The following CNTN5 variants were observed in gnomAD, a reference collection of about 807,000 sequenced individuals.
The protein encoded by CNTN5 is contactin-5.
In CNTN5, 77 loss-of-function variants were observed where a neutral mutation model predicts 129.1. That is an observed-to-expected ratio of 0.60 (90% CI 0.50 to 0.72). CNTN5 has a LOEUF of 0.72. CNTN5 is among the 30% of genes least tolerant of loss of function. CNTN5 has a pLI of 0.00. For missense variants in CNTN5, 1,478 were observed against 1,328.8 expected (o/e 1.11, Z -1.75); for synonymous variants, 509 against 465.6 (o/e 1.09, Z -1.20).
chr11:100,343,871 C>T (rs944358198), intron 23 of CNTN5, among the ~76,000 whole-genome samples: 10 of 152,078 alleles, frequency 6.6e-5, no homozygotes, highest in African/African-American at 2.4e-4. Flanking sequence ...GCCACCTCTT[C>T]TTAAGCACAA....
At chr11:99,159,303 G>A (rs571135187) in intron 1 of CNTN5, among the ~76,000 whole-genome samples, 1 of 152,254 alleles carries the variant, frequency 6.6e-6, no homozygotes, top group East Asian at 1.9e-4. Context: ...AAAAGGGGCA[G>A]GCAACATATC....
rs150195095 is a variant in CNTN5 at position 99,828,654 on chromosome 11, A to C, written c.277+8889A>C. Among the ~76,000 whole-genome samples, 297 of 152,336 alleles carry C rather than the reference A, an allele frequency of 1.9e-3. 1 individual carries two copies. Among genetic ancestry groups the C allele is most frequent in the African/African-American group, 6.8e-3 (283 of 41,584 alleles). On this transcript the variant is annotated intron_variant, in intron 4 of 24. Transcript: ENST00000524871. ...AATGAATATGAAATAGTTTTTGTTTACACATGCATAATCATGGAAGCTTTT... is the reference window on the plus strand; with the variant it reads ...AATGAATATGAAATAGTTTTTGTTTCCACATGCATAATCATGGAAGCTTTT...
At chr11:99,895,257 T>C (rs1275999459) in intron 6 of CNTN5, among the ~76,000 whole-genome samples, 2 of 152,202 alleles carry the variant, frequency 1.3e-5, no homozygotes, top group Non-Finnish European at 2.9e-5. Context: ...CCTGGGAATT[T>C]GAAAAGGGCT....
intron 8 of CNTN5, among the ~76,000 whole-genome samples, chr11:99,997,725 T>C (rs1005685966): frequency 6.6e-6 from 1 of 151,966 alleles, no homozygotes; most frequent in African/African-American, 2.4e-5. Flanking sequence ...TAGACCAATA[T>C]CCTTGATGAA....
chr11:99,021,515 C>T (rs1862868363), intron 1 of CNTN5, among the ~76,000 whole-genome samples: 1 of 152,094 alleles, frequency 6.6e-6, no homozygotes, highest in South Asian at 2.1e-4. Context: ...TTGTATATCT[C>T]CTAATGCCAC....
At chr11:100,046,472 TTTTC>T (rs1332208074) in intron 9 of CNTN5, among the ~76,000 whole-genome samples, 1 of 152,168 alleles carries the variant, frequency 6.6e-6, no homozygotes, top group African/African-American at 2.4e-5. Flanking sequence ...CATTCTTTAT[TTTTC>T]TTCTTTTTTT....
intron 3 of CNTN5, among the ~76,000 whole-genome samples, chr11:99,704,652 A>G (rs1954674941): frequency 1.3e-5 from 2 of 151,272 alleles, no homozygotes; most frequent in African/African-American, 4.8e-5. Context: ...CGTACCTACT[A>G]CATTTAAAAT....
intron 4 of CNTN5, among the ~76,000 whole-genome samples, chr11:99,825,921 T>C (rs10893945): frequency 0.15 from 23,313 of 152,154 alleles, 1,926 homozygotes; most frequent in Non-Finnish European, 0.17. Context: ...TGTTATAATT[T>C]CAGAGAAAAT....
chr11:100,007,227 T>C (rs1940251517), intron 9 of CNTN5, among the ~76,000 whole-genome samples: 2 of 152,062 alleles, frequency 1.3e-5, no homozygotes, highest in African/African-American at 4.8e-5. Context: ...TTAAGGGCCC[T>C]ATGATTTTCA....
intron 3 of CNTN5, among the ~76,000 whole-genome samples, chr11:99,781,788 A>G (rs947121982): frequency 1.3e-5 from 2 of 152,094 alleles, no homozygotes; most frequent in Middle Eastern, 3.2e-3. Flanking sequence ...CCTTCATGCT[A>G]AAAACTCTCA....
chr11:100,216,358 T>C (rs993215379), intron 15 of CNTN5, among the ~76,000 whole-genome samples: 2 of 152,086 alleles, frequency 1.3e-5, no homozygotes, highest in African/African-American at 4.8e-5. Context: ...CAAAATAATA[T>C]TAATCTTAAA....
At chr11:99,420,452 A>G (rs1942837555) in intron 2 of CNTN5, among the ~76,000 whole-genome samples, 2 of 152,136 alleles carry the variant, frequency 1.3e-5, no homozygotes, top group African/African-American at 4.8e-5. Context: ...CATAATAAGA[A>G]TTTTCATACA....
intron 2 of CNTN5, among the ~76,000 whole-genome samples, chr11:99,328,909 A>G (rs1436238899): frequency 3.9e-5 from 3 of 77,206 alleles, no homozygotes; most frequent in African/African-American, 2.1e-4. Context: ...AGGAAAAAGA[A>G]AAAAAAACCT....
At chr11:99,043,512 A>G (rs1259739581) in intron 1 of CNTN5, among the ~76,000 whole-genome samples, 2 of 152,186 alleles carry the variant, frequency 1.3e-5, no homozygotes, top group African/African-American at 4.8e-5. Flanking sequence ...TAGAATATAT[A>G]ATGCCTTATA....
chr11:99,186,917 G>C (rs1858384262), intron 1 of CNTN5, among the ~76,000 whole-genome samples: 1 of 151,932 alleles, frequency 6.6e-6, no homozygotes, highest in African/African-American at 2.4e-5. Flanking sequence ...ATAGTAGAGA[G>C]AGGGCAAAGT....
intron 1 of CNTN5, among the ~76,000 whole-genome samples, chr11:99,259,177 C>A (rs1418139411): frequency 1.3e-5 from 2 of 151,752 alleles, no homozygotes; most frequent in African/African-American, 4.8e-5. Context: ...ATTTGCTATG[C>A]ACAAATTATG....
chr11:100,287,308 G>GA (rs1304095259), intron 18 of CNTN5, among the ~76,000 whole-genome samples: 1 of 151,602 alleles, frequency 6.6e-6, no homozygotes, highest in East Asian at 1.9e-4. Context: ...ATAATTGTCA[G>GA]ATTCACCAAA....
chr11:99,222,361 G>A (rs969497260), intron 1 of CNTN5, among the ~76,000 whole-genome samples: 3 of 151,616 alleles, frequency 2.0e-5, no homozygotes, highest in African/African-American at 4.8e-5. Flanking sequence ...GGGTTGGGGG[G>A]ACAGGAAAAA....
intron 2 of CNTN5, among the ~76,000 whole-genome samples, chr11:99,500,402 G>A (rs1946383873): frequency 6.6e-6 from 1 of 152,216 alleles, no homozygotes; most frequent in African/African-American, 2.4e-5. Flanking sequence ...GATCTGAAGA[G>A]CTTAAAATGG....
Sources: allele counts gnomAD v4.1 joint callset (sites outside exome capture counted in the v4.1 genomes callset), GRCh38; gene constraint gnomAD v4.1.1; transcripts MANE v1.5; gene names NCBI Gene and HGNC (gene_info 2026-07-23, HGNC 2026-07-21).